NINL: variants seen among roughly 807,000 people sequenced by gnomAD.
NINL encodes ninein like, also known as ninein-like protein.
In NINL, 153 loss-of-function variants were observed where a neutral mutation model predicts 160.3. The ratio of observed to expected loss-of-function variants is 0.95; its 90% CI spans 0.84 to 1.09. NINL has a LOEUF of 1.09. Among genes scored for constraint, NINL ranks in the 50% least tolerant of loss-of-function variants. NINL has a pLI of 0.00. For synonymous variants in NINL, 800 were observed against 734.8 expected, an observed-to-expected ratio of 1.09 and a Z score of -1.43; for missense variants, 1,829 against 1,764.0, an observed-to-expected ratio of 1.04 and a Z score of -0.66.
At chr20:25,477,385 G>C (rs1426930067) in intron 16 of NINL, among the ~76,000 whole-genome samples, 1 of 152,218 alleles carries the variant, frequency 6.6e-6, no homozygotes, top group African/African-American at 2.4e-5. Context: ...CCTGGTTGCA[G>C]CCCCTCGGCC....
intron 1 of NINL, among the ~76,000 whole-genome samples, chr20:25,584,828 A>G (rs1329011321): frequency 1.3e-5 from 2 of 152,222 alleles, no homozygotes; most frequent in East Asian, 3.9e-4. Flanking sequence ...ACCCAACGCG[A>G]TCAGAGACTC....
chr20:25,457,108 G>A (rs1000851300), intron 22 of NINL, among the ~76,000 whole-genome samples: 2 of 151,916 alleles, frequency 1.3e-5, no homozygotes, highest in Non-Finnish European at 1.5e-5. Context: ...GGTGGATCAC[G>A]AGGTCAGGAG....
chr20:25,578,793 C>CAA (rs11344577), intron 1 of NINL, among the ~76,000 whole-genome samples: 23 of 74,108 alleles, frequency 3.1e-4, no homozygotes, highest in Admixed American at 1.6e-3. Flanking sequence ...ACTCCATCTC[C>CAA]AAAAAAAAAA....
Position 25,489,936 on chromosome 20 carries a change from G to C in NINL, c.1535C>G (p.Ser512Trp), listed in dbSNP as rs140581724. Residue 512 changes from serine (S) to tryptophan (W), a missense_variant, in exon 12 of 24, where the codon TCG becomes TGG. By Grantham distance (177) the Ser-to-Trp change is radical. Transcript: ENST00000278886. ...CTTCAGGGCCAGCCTCTCCGAATCC[G>C]AAAGCTTTTCCACCACTTCCACAAT... The part of the protein sequence containing the change: ...KEIVEVVEKL[S>W]DSERLALKLQ... 1.2e-6 allele frequency: 2 copies of C among 1,614,144 alleles called. No individual in the cohort carries two copies. The highest frequency in any genetic ancestry group is 1.7e-6 in the Non-Finnish European group (2 of 1,180,008).
chr20:25,476,967 C>T lies in NINL; in HGVS notation c.2324G>A (p.Arg775Lys). 1 of 1,608,094 alleles carries T rather than the reference C, an allele frequency of 6.2e-7. No homozygotes were observed. ...PQGPLPRGSQ[R>K]SEQLELERAL... The stretch of plus-strand genomic sequence containing the variant: ...CCTCTCCAGCTCCAGCTGCTCCGAC[C>T]TCTGGCTCCCGCGTGGCAGGGGTCC... The change falls in exon 17 of 24, where the codon AGG (arginine) becomes AAG (lysine). Residue 775 changes from arginine (R) to lysine (K), a missense_variant. Physicochemically the swap from Arg to Lys is conservative, Grantham distance 26. Coordinates refer to ENST00000278886, the MANE Select transcript of NINL (RefSeq NM_025176.6).
At chr20:25,573,785 C>T (rs2065082462) in intron 1 of NINL, among the ~76,000 whole-genome samples, 1 of 152,228 alleles carries the variant, frequency 6.6e-6, no homozygotes, top group Admixed American at 6.5e-5. Context: ...AAAGACTTTG[C>T]ATGGAACCAT....
At chr20:25,522,888 T>C (rs1254152276) in intron 2 of NINL, among the ~76,000 whole-genome samples, 1 of 152,210 alleles carries the variant, frequency 6.6e-6, no homozygotes, top group Non-Finnish European at 1.5e-5. Flanking sequence ...GACTCATTCA[T>C]CACAAAGTAA....
chr20:25,505,787 G>A (rs2063951247), intron 5 of NINL, among the ~76,000 whole-genome samples: 1 of 152,214 alleles, frequency 6.6e-6, no homozygotes, highest in South Asian at 2.1e-4. Flanking sequence ...GACGGACAAA[G>A]GGGAGCTGCA....
chr20:25,550,149 T>C (rs1173885044), intron 1 of NINL, among the ~76,000 whole-genome samples: 1 of 152,210 alleles, frequency 6.6e-6, no homozygotes, highest in Non-Finnish European at 1.5e-5. Flanking sequence ...GGGAAGCTGC[T>C]GTAGGAAGAC....
chr20:25,517,614 C>G lies in NINL; in HGVS notation c.277+139G>C, dbSNP rs555921837. 4.4e-5 allele frequency: 28 copies of G among 635,628 alleles called. No individual in the cohort carries two copies. The East Asian group carries it at 7.3e-4, about 17-fold the overall frequency. 39.4% of individuals were successfully genotyped at this position (635,628 alleles called of 1,614,324 possible). A position where few individuals can be genotyped will look rare whatever the true frequency, so the allele number is the denominator to read the frequency against. On this transcript the variant is annotated intron_variant, in intron 3 of 23. Coordinates refer to ENST00000278886, the MANE Select transcript of NINL (RefSeq NM_025176.6). Reference sequence around the variant, plus strand: ...AAGAGAAAACATCAAGTGTTTTTTCCAAGTCCATATACCTTGGGGGTGACA... The same window carrying G: ...AAGAGAAAACATCAAGTGTTTTTTCGAAGTCCATATACCTTGGGGGTGACA...
intron 1 of NINL, among the ~76,000 whole-genome samples, chr20:25,569,135 G>C (rs1047578395): frequency 1.3e-5 from 2 of 151,594 alleles, no homozygotes; most frequent in Non-Finnish European, 2.9e-5. Context: ...GACTGAGACA[G>C]GAGAATCACT....
rs2063266129 is a variant in NINL, at chr20:25,476,904, G to A, written c.2387C>T (p.Ala796Val). The A allele has an allele frequency of 1.2e-6, 2 of 1,612,972 alleles. No individual in the cohort carries two copies. The highest frequency in any genetic ancestry group is 1.7e-6 in the Non-Finnish European group (2 of 1,179,914). ...GAGGGCCAACGATACGCACATCTGG[G>A]CGCGCTTCTCGCTCGCACAGGGCTG... ...KLQPCASEKR[A>V]QMCVSLALEE... is the part of the protein sequence containing the mutation. The change falls in exon 17 of 24, where the codon GCC becomes GTC. Residue 796 changes from alanine to valine, a missense_variant. Transcript: ENST00000278886.
chr20:25,520,308 C>A (rs2064240346), intron 2 of NINL, among the ~76,000 whole-genome samples: 1 of 152,156 alleles, frequency 6.6e-6, no homozygotes, highest in African/African-American at 2.4e-5. Context: ...AATATCACCA[C>A]TAAGTGTTGG....
chr20:25,474,183 C>T (rs181746408), intron 17 of NINL, among the ~76,000 whole-genome samples: 1 of 152,328 alleles, frequency 6.6e-6, no homozygotes, highest in African/African-American at 2.4e-5. Context: ...GAGGACTCGG[C>T]CATCCAGGGC....
At chr20:25,475,118 G>A (rs2063199273) in intron 17 of NINL, among the ~76,000 whole-genome samples, 1 of 151,116 alleles carries the variant, frequency 6.6e-6, no homozygotes, top group Admixed American at 6.6e-5. Context: ...TCCTGGTGGT[G>A]CACGCCTGTA....
At position 25,539,701 on chromosome 20, in the gene NINL, A is replaced by G. The variant is rs1024138646; in HGVS notation, c.-11-13103T>C. Among the ~76,000 whole-genome samples, 3 of 152,334 alleles carry G rather than the reference A, an allele frequency of 2.0e-5. No individual in the cohort carries two copies. In the East Asian group the frequency reaches 5.8e-4, roughly 29 times the overall value. ...TGGAAATACAACCAATGCAAATGAC[A>G]GAACACTGAGGGGAGAAAGCCGCCC... On this transcript the variant is annotated intron_variant, in intron 1 of 23. Coordinates refer to ENST00000278886, the MANE Select transcript of NINL (RefSeq NM_025176.6).
intron 5 of NINL, among the ~76,000 whole-genome samples, chr20:25,510,069 G>A (rs2064039096): frequency 6.6e-6 from 1 of 152,206 alleles, no homozygotes; most frequent in Non-Finnish European, 1.5e-5. Flanking sequence ...AGGGCACCAC[G>A]GCAGCATGGA....
rs1426777864 is a variant in NINL at position 25,491,455 on chromosome 20, A to G, written c.1381T>C (p.Phe461Leu). 1.5e-5 allele frequency: 25 copies of G among 1,613,980 alleles called. No homozygotes were observed. Among genetic ancestry groups the G allele is most frequent in the Middle Eastern group, 1.6e-4 (1 of 6,062 alleles). Residue 461 changes from phenylalanine (F) to leucine (L), a missense_variant, in exon 11 of 24, where the codon TTC becomes CTC. Physicochemically the swap from Phe to Leu is conservative, Grantham distance 22. Transcript: ENST00000278886. Reference protein sequence around the residue: ...RSEVEAERELFWEQAHRQRAA... With the variant: ...RSEVEAERELLWEQAHRQRAA... ...CTCTGCCTGTGGGCCTGCTCCCAGA[A>G]CAGCTCTCGCTCCGCCTCCACCTCA...
chr20:25,462,085 G>A (rs948681661), intron 20 of NINL, among the ~76,000 whole-genome samples: 2 of 152,244 alleles, frequency 1.3e-5, no homozygotes, highest in African/African-American at 2.4e-5. Context: ...CATCGGAATC[G>A]TGAAGTCAAG....
Sources: gnomAD v4.1 joint callset for allele counts (sites outside exome capture counted in the v4.1 genomes callset) on GRCh38, gnomAD v4.1.1 for gene constraint, MANE v1.5 for transcripts, NCBI Gene and HGNC (gene_info 2026-07-23, HGNC 2026-07-21) for gene names.